Variants in CHD1L observed in about 807,000 individuals in gnomAD.
CHD1L encodes the protein ATP-dependent chromatin remodeler CHD1L.
In CHD1L, 118 loss-of-function variants were observed where a neutral mutation model predicts 115.9. That is an observed-to-expected ratio of 1.02 (90% CI 0.88 to 1.19). The LOEUF (loss-of-function observed/expected upper bound fraction) is 1.19. CHD1L is among the 50% of genes most tolerant of loss of function. CHD1L has a pLI of 0.00. For synonymous variants in CHD1L, 411 were observed against 387.1 expected, an observed-to-expected ratio of 1.06 and a Z score of -0.72; for missense variants, 1,179 against 1,065.3, an observed-to-expected ratio of 1.11 and a Z score of -1.49.
the CHD1L span, among the ~76,000 whole-genome samples, chr1:147,235,978 C>A: frequency 6.6e-6 from 1 of 152,190 alleles, no homozygotes; most frequent in African/African-American, 2.4e-5. Flanking sequence ...ATGCTACCAG[C>A]CTGGATCCCA....
chr1:147,219,258 G>A, the CHD1L span, among the ~76,000 whole-genome samples: 1 of 152,004 alleles, frequency 6.6e-6, no homozygotes, highest in Admixed American at 6.6e-5. Flanking sequence ...GTCTATCTAT[G>A]GGTATATAAT....
At chr1:147,201,565 A>C in the CHD1L span, 1 of 1,389,730 alleles carries the variant, frequency 7.2e-7, no homozygotes, top group African/African-American at 1.4e-5. Flanking sequence ...GTACCACATA[A>C]GTAAAATTTT....
chr1:147,294,365 C>A, intron 21 of CHD1L, 44 bp from the exon 22 acceptor site: 2 of 1,407,692 alleles, frequency 1.4e-6, no homozygotes, highest in African/African-American at 1.4e-5. Flanking sequence ...ACCCATCAAT[C>A]AATTTTTGAT....
the CHD1L span, among the ~76,000 whole-genome samples, chr1:147,194,710 C>CA: frequency 1.3e-5 from 2 of 151,958 alleles, no homozygotes; most frequent in African/African-American, 4.8e-5. Context: ...CTGGTGGTCA[C>CA]AAAATCTCTC....
the CHD1L span, chr1:147,215,893 T>C: frequency 1.2e-6 from 2 of 1,612,988 alleles, no homozygotes; most frequent in East Asian, 2.2e-5. Flanking sequence ...TTTAGAAGTA[T>C]TGATGATCAC....
chr1:147,213,199 G>A, the CHD1L span: 3 of 891,858 alleles, frequency 3.4e-6, no homozygotes, highest in East Asian at 5.5e-5. Flanking sequence ...ATTAGGATAA[G>A]TCTTACTTCA....
intron 14 of CHD1L, 63 bp downstream of exon 14, chr1:147,276,320 T>C: frequency 1.3e-6 from 2 of 1,539,884 alleles, no homozygotes; most frequent in South Asian, 1.2e-5. Flanking sequence ...GAGGAGAATG[T>C]AAATGAAAAG....
At chr1:147,211,556 CA>C in the CHD1L span, 1 of 152,050 alleles carries the variant, frequency 6.6e-6, no homozygotes, top group Non-Finnish European at 1.5e-5. Context: ...TAAAATAAAA[CA>C]ATTTAAAACA....
At chr1:147,258,846 G>A (rs1450067011) in intron 5 of CHD1L, 1 of 152,084 alleles carries the variant, frequency 6.6e-6, no homozygotes, top group Non-Finnish European at 1.5e-5. Context: ...AATGTAATGG[G>A]ATTCCAGAAT....
In CHD1L at chr1:147,289,133, G is replaced by T. The variant is rs112003426; in HGVS notation, c.2320+1400G>T. ...AATGTGTGTTGAAATAGTCAATCCA[G>T]ATCTAGATGCTGATTGGGCAGTTGG... On this transcript the variant is annotated intron_variant, in intron 19 of 22. Coordinates refer to ENST00000369258, the MANE Select transcript of CHD1L (RefSeq NM_004284.6). Among the ~76,000 whole-genome samples the T allele has an allele frequency of 7.1e-3, 1,075 of 152,260 alleles. 11 individuals carry two copies. The highest frequency in any genetic ancestry group is 0.018 in the Admixed American group (269 of 15,284).
the CHD1L span, among the ~76,000 whole-genome samples, chr1:147,214,122 C>T: frequency 2.0e-5 from 3 of 152,138 alleles, no homozygotes; most frequent in East Asian, 1.9e-4. Flanking sequence ...TGTGCTTCTA[C>T]GGGCCCATGA....
At chr1:147,180,057 C>T in the CHD1L span, among the ~76,000 whole-genome samples, 1 of 151,678 alleles carries the variant, frequency 6.6e-6, no homozygotes, top group Non-Finnish European at 1.5e-5. Flanking sequence ...GAAATATTCT[C>T]TTTAGGGAGC....
chr1:147,183,890 T>A, the CHD1L span, among the ~76,000 whole-genome samples: 5 of 152,196 alleles, frequency 3.3e-5, no homozygotes, highest in African/African-American at 1.2e-4. Context: ...GTACATGACA[T>A]CAACATATCA....
the CHD1L span, among the ~76,000 whole-genome samples, chr1:147,193,295 G>C: frequency 9.2e-5 from 14 of 152,108 alleles, no homozygotes; most frequent in African/African-American, 2.4e-5. Context: ...GTTTATTTGT[G>C]TAGAGGTGTT....
chr1:147,191,304 T>A, the CHD1L span, among the ~76,000 whole-genome samples: 1 of 152,044 alleles, frequency 6.6e-6, no homozygotes, highest in East Asian at 1.9e-4. Flanking sequence ...CCACCAACAG[T>A]GTAAAAGTGT....
the CHD1L span, chr1:147,178,546 T>C: frequency 6.2e-7 from 1 of 1,610,882 alleles, no homozygotes; most frequent in Non-Finnish European, 8.5e-7. Flanking sequence ...TGAGGAAGAA[T>C]TTAAGAAATT....
At chr1:147,224,035 G>A in the CHD1L span, 102 of 415,094 alleles carry the variant, frequency 2.5e-4, no homozygotes, top group Admixed American at 6.1e-4. Context: ...CACACGATGC[G>A]GATCCCATCG....
chr1:147,215,808 CT>C, the CHD1L span: 1 of 1,613,662 alleles, frequency 6.2e-7, no homozygotes, highest in Non-Finnish European at 8.5e-7. Flanking sequence ...TCCTGAAATA[CT>C]CCAGGACCTG....
upstream of CHD1L, among the ~76,000 whole-genome samples, chr1:147,237,800 C>T (rs1300433947): frequency 6.6e-6 from 1 of 152,102 alleles, no homozygotes; most frequent in Non-Finnish European, 1.5e-5. Flanking sequence ...TCTGGGTGAC[C>T]AATGTGATGG....
Sources: gnomAD v4.1 joint callset for allele counts (sites outside exome capture counted in the v4.1 genomes callset) on GRCh38, gnomAD v4.1.1 for gene constraint, MANE v1.5 for transcripts, NCBI Gene and HGNC (gene_info 2026-07-23, HGNC 2026-07-21) for gene names.